Variants in PITPNM2 observed in about 807,000 individuals in gnomAD.
PITPNM2 encodes phosphatidylinositol transfer protein membrane associated 2, also known as membrane-associated phosphatidylinositol transfer protein 2.
A neutral mutation model predicts 132.2 loss-of-function variants in PITPNM2; 35 were observed. The ratio of observed to expected loss-of-function variants is 0.26; its 90% CI spans 0.20 to 0.35. The LOEUF (loss-of-function observed/expected upper bound fraction) is 0.35, where lower values mean the gene tolerates loss of function less well. Ranked by LOEUF, PITPNM2 falls within the 10% of genes least tolerant of loss-of-function variation. The probability of loss-of-function intolerance (pLI) is 1.00; values close to 1 mark genes in which losing one functional copy is unlikely to be tolerated. For synonymous variants in PITPNM2, 738 were observed against 799.2 expected, an observed-to-expected ratio of 0.92 and a Z score of 1.29; for missense variants, 1,332 against 1,912.0, an observed-to-expected ratio of 0.70 and a Z score of 5.66.
At chr12:123,042,153 C>G (rs760788667) in intron 2 of PITPNM2, among the ~76,000 whole-genome samples, 3 of 151,956 alleles carry the variant, frequency 2.0e-5, no homozygotes, top group Non-Finnish European at 4.4e-5. Flanking sequence ...TGGCTTCCCA[C>G]CAAGACACAG....
chr12:123,139,081 T>G (rs1226186895), intron 1 of PITPNM2, among the ~76,000 whole-genome samples: 1 of 151,832 alleles, frequency 6.6e-6, no homozygotes, highest in East Asian at 1.9e-4. Flanking sequence ...GAGGTTGCAG[T>G]GAGCTACGAT....
chr12:123,049,282 A>T (rs1190451351), intron 2 of PITPNM2, among the ~76,000 whole-genome samples: 2 of 152,100 alleles, frequency 1.3e-5, no homozygotes, highest in Non-Finnish European at 2.9e-5. Flanking sequence ...GGAGGGTTCC[A>T]TGCCTAGGAC....
rs751175341 is a variant in PITPNM2, at chr12:123,034,480, C to T, written c.78+33G>A. 35 of 1,599,044 alleles carry T rather than the reference C, an allele frequency of 2.2e-5. No individual in the cohort carries two copies. The African/African-American group carries it at 3.8e-4, about 17-fold the overall frequency. On this transcript the variant is annotated intron_variant, in intron 3 of 25. Coordinates refer to ENST00000320201, the MANE Select transcript of PITPNM2 (RefSeq NM_020845.3). The stretch of plus-strand genomic sequence containing the variant: ...TCTGTGCGCTGGCGCGACCCACCCT[C>T]ACCCCATGACCCACCCTTGCCCCAC...
rs757381127 is a variant in PITPNM2, at chr12:122,989,841, C to G, written c.2677G>C (p.Ala893Pro). The change falls in exon 18 of 26, where the codon GCA (alanine) becomes CCA (proline). Residue 893 changes from alanine (A) to proline (P), a missense_variant. Ala to Pro is a conservative substitution (Grantham distance 27, BLOSUM62 -1). Transcript: ENST00000320201. ...TPGPHPPARK[A>P]SPGLERAPGL... ...GGGGCCCTCTCCAGGCCAGGGCTTG[C>G]CTTCCTGGCTGGAGGGTGGGGGCCA... The G allele has an allele frequency of 1.4e-6, 2 of 1,390,956 alleles. No homozygotes were observed. Among genetic ancestry groups the G allele is most frequent in the African/African-American group, 3.0e-5 (2 of 66,728 alleles). The allele number at this position is 1,390,956 out of a possible 1,614,324, so 86.2% of individuals were successfully genotyped here. A position where few individuals can be genotyped will look rare whatever the true frequency, so the allele number is the denominator to read the frequency against.
At chr12:122,990,904 G>A (rs550936429) in intron 16 of PITPNM2, among the ~76,000 whole-genome samples, 195 bp from the exon 17 acceptor site, 1 of 152,308 alleles carries the variant, frequency 6.6e-6, no homozygotes, top group Admixed American at 6.5e-5. Flanking sequence ...GGCTGGGGCA[G>A]GGTGGACTGA....
intron 2 of PITPNM2, among the ~76,000 whole-genome samples, chr12:123,049,425 A>G (rs906314317): frequency 1.3e-5 from 2 of 152,166 alleles, no homozygotes; most frequent in Non-Finnish European, 2.9e-5. Flanking sequence ...CTCGTGAGCC[A>G]TAGCTCCTCC....
chr12:123,056,581 CT>C lies in PITPNM2; in HGVS notation c.-95-21897del, dbSNP rs1468518367. On this transcript the variant is annotated intron_variant, in intron 2 of 25. Transcript: ENST00000320201. ...GAGGCCCAGACCCAGGAGTGGCCTC[CT>C]GCTGCCGGACACGAAGAGGGAAAGA... Among the ~76,000 whole-genome samples, 4 of 152,002 alleles carry C rather than the reference CT, an allele frequency of 2.6e-5. No individual in the cohort carries two copies. The East Asian group carries it at 7.7e-4, about 29-fold the overall frequency.
intron 1 of PITPNM2, among the ~76,000 whole-genome samples, chr12:123,143,599 C>T (rs766184251): frequency 2.0e-5 from 3 of 152,136 alleles, no homozygotes; most frequent in Non-Finnish European, 2.9e-5. Context: ...CCCATCTTGG[C>T]CTGAAACACC....
intron 2 of PITPNM2, among the ~76,000 whole-genome samples, chr12:123,041,991 C>T (rs1204775561): frequency 2.0e-5 from 3 of 152,052 alleles, no homozygotes. Flanking sequence ...CTGGCCAGAC[C>T]GTGTCAGAGT....
chr12:123,069,580 C>T (rs1434865456), intron 2 of PITPNM2, among the ~76,000 whole-genome samples: 10 of 152,174 alleles, frequency 6.6e-5, no homozygotes, highest in Non-Finnish European at 1.2e-4. Context: ...CCAGGTGAAG[C>T]TTCCTCGCCT....
At chr12:122,988,483 G>C in intron 19 of PITPNM2, 133 bp from the exon 20 acceptor site, 1 of 820,818 alleles carries the variant, frequency 1.2e-6, no homozygotes, top group South Asian at 1.6e-5. Context: ...ACTCACTACT[G>C]TCTGCCCAGT....
rs553810187 is a variant in PITPNM2, at chr12:123,036,054, A to G, written c.-95-1369T>C. On this transcript the variant is annotated intron_variant, in intron 2 of 25. Transcript: ENST00000320201. This position sits in a 1 kb window ranked among gnomAD's most constrained non-coding sequence, Gnocchi z 4.1. ...GTAGTATTTTAGCAAGACTACTCCA[A>G]GGACAGCAGCCAGGGAGGATTCACA... Among the ~76,000 whole-genome samples, 61 of 152,178 alleles carry G rather than the reference A, an allele frequency of 4.0e-4. No individual in the cohort carries two copies. Among genetic ancestry groups the G allele is most frequent in the African/African-American group, 1.4e-3 (57 of 41,536 alleles).
rs1436520432 is a variant in PITPNM2, at chr12:122,996,921, G to A, written c.1473-11C>T. On this transcript the variant is annotated splice_polypyrimidine_tract_variant and intron_variant, in intron 11 of 25. Transcript: ENST00000320201. ...CTGTAGGGGCTGAGGCTGGGGAGAGGGGCCAGTCAAGAGAGGGCAGGCGGC... is the reference window on the plus strand; with the variant it reads ...CTGTAGGGGCTGAGGCTGGGGAGAGAGGCCAGTCAAGAGAGGGCAGGCGGC... 6.4e-7 allele frequency: 1 copy of A among 1,561,130 alleles called. No homozygotes were observed. The highest frequency in any genetic ancestry group is 8.6e-7 in the Non-Finnish European group (1 of 1,161,088).
At position 123,077,951 on chromosome 12, in the gene PITPNM2, A is replaced by G. The variant is rs2041842995; in HGVS notation, c.-96+32434T>C. Among the ~76,000 whole-genome samples, 1 of 152,124 alleles carries G rather than the reference A, an allele frequency of 6.6e-6. No individual in the cohort carries two copies. Among genetic ancestry groups the G allele is most frequent in the Admixed American group, 6.5e-5 (1 of 15,288 alleles). ...CTGCCGGCCTCAGGGGGCCGCCCCCAGCACGCAGCTCTCCCAGCAGCCCAT... is the reference window on the plus strand; with the variant it reads ...CTGCCGGCCTCAGGGGGCCGCCCCCGGCACGCAGCTCTCCCAGCAGCCCAT... On this transcript the variant is annotated intron_variant, in intron 2 of 25. Coordinates refer to ENST00000320201, the MANE Select transcript of PITPNM2 (RefSeq NM_020845.3). This position sits in a 1 kb window ranked among gnomAD's most constrained non-coding sequence, Gnocchi z 4.8.
chr12:123,004,890 C>T lies in PITPNM2; in HGVS notation c.952+350G>A, dbSNP rs764139916. On this transcript the variant is annotated intron_variant, in intron 7 of 25. Coordinates refer to ENST00000320201, the MANE Select transcript of PITPNM2 (RefSeq NM_020845.3). The surrounding 1 kb of genome is among the most constrained non-coding windows in gnomAD (Gnocchi z 4.9). The stretch of plus-strand genomic sequence containing the variant: ...GGCCTGCCTGCTGGAGAAGCTGGCT[C>T]CACCCAGGGTGCCTGGGTTGATCCT... Among the ~76,000 whole-genome samples, 3 of 152,008 alleles carry T rather than the reference C, an allele frequency of 2.0e-5. No individual in the cohort carries two copies. Among genetic ancestry groups the T allele is most frequent in the Non-Finnish European group, 4.4e-5 (3 of 67,952 alleles).
In PITPNM2 at chr12:123,008,437, C is replaced by T. The variant is rs562644784; in HGVS notation, c.643+1413G>A. 1.1e-4 allele frequency among the ~76,000 whole-genome samples: 17 copies of T among 152,294 alleles called. No individual in the cohort carries two copies. Among genetic ancestry groups the T allele is most frequent in the African/African-American group, 4.1e-4 (17 of 41,560 alleles). ...GAAGGGCGGTAGGGGACGCCCTGCC[C>T]AGGATAGGGGAGCCCCTCCCAGTCC... On this transcript the variant is annotated intron_variant, in intron 6 of 25. Transcript: ENST00000320201. This position sits in a 1 kb window ranked among gnomAD's most constrained non-coding sequence, Gnocchi z 4.1.
chr12:123,129,290 C>T (rs1474666597), intron 1 of PITPNM2, among the ~76,000 whole-genome samples: 1 of 151,226 alleles, frequency 6.6e-6, no homozygotes, highest in African/African-American at 2.4e-5. Flanking sequence ...ATGGATAGGC[C>T]GGGCGTGGTG....
At chr12:123,047,175 C>A (rs1272697534) in intron 2 of PITPNM2, among the ~76,000 whole-genome samples, 1 of 152,180 alleles carries the variant, frequency 6.6e-6, no homozygotes. Context: ...GGTGGCTGCA[C>A]CTGACTCTGG....
chr12:123,035,769 G>A (rs2040248739), intron 2 of PITPNM2, among the ~76,000 whole-genome samples: 1 of 152,128 alleles, frequency 6.6e-6, no homozygotes, highest in Admixed American at 6.5e-5. Context: ...CTGAAGCTTT[G>A]CCATAAATAT....
Sources: allele counts gnomAD v4.1 joint callset (sites outside exome capture counted in the v4.1 genomes callset), GRCh38; gene constraint gnomAD v4.1.1; non-coding constraint Gnocchi (gnomAD v3.1); transcripts MANE v1.5; gene names NCBI Gene and HGNC (gene_info 2026-07-23, HGNC 2026-07-21).